The following MRC1 variants were observed in gnomAD, a reference collection of about 807,000 sequenced individuals.
MRC1 encodes mannose receptor C-type 1, also known as macrophage mannose receptor 1.
Under a neutral mutation model 102.9 loss-of-function variants are expected in MRC1, and 62 were observed. The observed-to-expected ratio is 0.60, with a 90% CI of 0.49 to 0.74. MRC1 has a LOEUF of 0.74. Among genes scored for constraint, MRC1 ranks in the 30% least tolerant of loss-of-function variants. The pLI is 0.00. For synonymous variants in MRC1, 457 were observed against 298.4 expected (o/e 1.53, Z -5.48); for missense variants, 1,237 against 862.8 (o/e 1.43, Z -5.43).
At chr10:17,822,692 G>A (rs1020680883) in intron 1 of MRC1, among the ~76,000 whole-genome samples, 9 of 152,246 alleles carry the variant, frequency 5.9e-5, no homozygotes, top group South Asian at 2.1e-4. Flanking sequence ...TATTGTATTC[G>A]TATTACCCAA....
intron 1 of MRC1, among the ~76,000 whole-genome samples, chr10:17,820,626 T>G (rs1301086459): frequency 6.6e-6 from 1 of 152,152 alleles, no homozygotes; most frequent in Non-Finnish European, 1.5e-5. Flanking sequence ...TATTTACTAT[T>G]ATTAACAATG....
At chr10:17,908,851 G>C (rs1272260995) in intron 28 of MRC1, among the ~76,000 whole-genome samples, 2 of 152,210 alleles carry the variant, frequency 1.3e-5, no homozygotes, top group African/African-American at 2.4e-5. Flanking sequence ...TTACAGGCGT[G>C]AGCCACCACT....
chr10:17,811,450 A>G (rs1365641543), intron 1 of MRC1, among the ~76,000 whole-genome samples: 1 of 152,152 alleles, frequency 6.6e-6, no homozygotes, highest in Non-Finnish European at 1.5e-5. Flanking sequence ...AGGCACAAAT[A>G]TTGGGGAGAG....
At chr10:17,851,374 C>T (rs2130644820) in intron 7 of MRC1, among the ~76,000 whole-genome samples, 1 of 151,700 alleles carries the variant, frequency 6.6e-6, no homozygotes, top group South Asian at 2.1e-4. Context: ...AAACAAAAAC[C>T]TAGAAATTTT....
At position 17,845,524 on chromosome 10, in the gene MRC1, G is replaced by T. The variant is rs1005509546; in HGVS notation, c.1063+89G>T. On this transcript the variant is annotated intron_variant, in intron 6 of 29. Coordinates refer to ENST00000569591, the MANE Select transcript of MRC1 (RefSeq NM_002438.4). ...GCTTAGGTGTAACTGTTGGAATGCC[G>T]CCAGAGGTTTTGTGGATAGTTGATG... The T allele has an allele frequency of 1.2e-4, 94 of 763,340 alleles. No individual in the cohort carries two copies. In the African/African-American group the frequency reaches 1.4e-3, roughly 12 times the overall value. The allele number at this position is 763,340 out of a possible 1,614,324, so 47.3% of individuals were successfully genotyped here.
At chr10:17,825,016 A>T (rs975245894) in intron 2 of MRC1, among the ~76,000 whole-genome samples, 1 of 152,050 alleles carries the variant, frequency 6.6e-6, no homozygotes, top group Non-Finnish European at 1.5e-5. Flanking sequence ...CTATTCAATG[A>T]TTTCTATGAA....
Position 17,910,206 on chromosome 10 carries a change from T to A in MRC1, c.4121-9T>A, listed in dbSNP as rs1322788373. 1.4e-5 allele frequency: 11 copies of A among 780,674 alleles called. No individual in the cohort carries two copies. Among genetic ancestry groups the A allele is most frequent in the Non-Finnish European group, 2.6e-5 (11 of 417,966 alleles). 48.4% of individuals were successfully genotyped at this position (780,674 alleles called of 1,614,324 possible). ...CCACGTTTTCCATAATGATTTTATT[T>A]ATTTATAGCTGACACAAGGAAGATG... On this transcript the variant is annotated splice_polypyrimidine_tract_variant and intron_variant, in intron 29 of 29. Coordinates refer to ENST00000569591, the MANE Select transcript of MRC1 (RefSeq NM_002438.4).
chr10:17,878,472 A>G (rs1265663455), intron 18 of MRC1, among the ~76,000 whole-genome samples: 3 of 152,166 alleles, frequency 2.0e-5, no homozygotes, highest in Non-Finnish European at 4.4e-5. Context: ...AGGAGCCAGA[A>G]AAAGCTGTAG....
intron 7 of MRC1, 30 bp from the exon 8 acceptor site, chr10:17,852,935 GTA>G: frequency 1.3e-6 from 1 of 780,764 alleles, no homozygotes; most frequent in Non-Finnish European, 2.4e-6. Context: ...AGCAACCCTT[GTA>G]TATACCACTG....
rs1833219161 is a variant in MRC1 at position 17,863,692 on chromosome 10, G to A, written c.1783+10G>A. On this transcript the variant is annotated intron_variant, in intron 11 of 29. Coordinates refer to ENST00000569591, the MANE Select transcript of MRC1 (RefSeq NM_002438.4). ...AATTCAGATATGCCAGGTACGGGCA[G>A]CGCTTAGGTTGAGGGTTGCTTTCAC... 4 of 780,440 alleles carry A rather than the reference G, an allele frequency of 5.1e-6. No homozygotes were observed. The highest frequency in any genetic ancestry group is 1.7e-5 in the Admixed American group (1 of 58,968). 48.3% of individuals were successfully genotyped at this position (780,440 alleles called of 1,614,324 possible).
In MRC1 at chr10:17,863,544, G is replaced by A; in HGVS notation, c.1645G>A (p.Ala549Thr). ...LTTIEDRYEQ[A>T]FLTSFVGLRP... ...TTCTTCTTTTTAAAGATATGAACAA[G>A]CCTTCCTGACTAGTTTCGTTGGCTT... The change falls in exon 11 of 30, where the codon GCC (alanine) becomes ACC (threonine). Residue 549 changes from alanine (A) to threonine (T), a missense_variant. Physicochemically the swap from Ala to Thr is moderately conservative, Grantham distance 58 (BLOSUM62 0). Transcript: ENST00000569591. The A allele has an allele frequency of 1.3e-6, 1 of 780,824 alleles. No homozygotes were observed. The highest frequency in any genetic ancestry group is 1.7e-5 in the Admixed American group (1 of 59,032). 48.4% of individuals were successfully genotyped at this position (780,824 alleles called of 1,614,324 possible). A position where few individuals can be genotyped will look rare whatever the true frequency, so the allele number is the denominator to read the frequency against.
intron 19 of MRC1, 86 bp downstream of exon 19, chr10:17,879,907 C>A (rs1249212722): frequency 1.3e-5 from 10 of 779,156 alleles, no homozygotes; most frequent in African/African-American, 8.4e-5. Flanking sequence ...AAGTTGTGTG[C>A]TTACATCAGA....
Position 17,866,656 on chromosome 10 carries a change from G to A in MRC1, c.1878G>A (p.Lys626=). 1.3e-6 allele frequency: 1 copy of A among 780,858 alleles called. No individual in the cohort carries two copies. The highest frequency in any genetic ancestry group is 2.4e-6 in the Non-Finnish European group (1 of 417,962). The allele number at this position is 780,858 out of a possible 1,614,324, so 48.4% of individuals were successfully genotyped here. A position where few individuals can be genotyped will look rare whatever the true frequency, so the allele number is the denominator to read the frequency against. The change falls in exon 12 of 30, where the codon AAG becomes AAA. Residue 626 remains lysine (K), a synonymous_variant. Transcript: ENST00000569591. ...KCDEKAKFVC[K]HWAEGVTHPP... ...ATGAAAAGGCAAAATTTGTGTGCAA[G>A]CACTGGGCAGAAGGAGTAACCCACC...
At chr10:17,893,637 G>A in intron 22 of MRC1, among the ~76,000 whole-genome samples, 1 of 152,232 alleles carries the variant, frequency 6.6e-6, no homozygotes, top group Non-Finnish European at 1.5e-5. Flanking sequence ...GTACATAAAG[G>A]AAAGAAGGAT....
chr10:17,901,859 G>A lies in MRC1; in HGVS notation c.3650-114G>A, dbSNP rs1379582717. The stretch of plus-strand genomic sequence containing the variant: ...ATGGTGATCCAAATGATAACCATTG[G>A]AAGATTTTTTAAAATAATGATCAAT... On this transcript the variant is annotated intron_variant, in intron 25 of 29. Transcript: ENST00000569591. 6 of 766,734 alleles carry A rather than the reference G, an allele frequency of 7.8e-6. No individual in the cohort carries two copies. In the Admixed American group the frequency reaches 1.1e-4, roughly 14 times the overall value. The allele number at this position is 766,734 out of a possible 1,614,324, so 47.5% of individuals were successfully genotyped here.
intron 22 of MRC1, 31 bp from the exon 23 acceptor site, chr10:17,894,179 G>T: frequency 1.1e-6 from 1 of 869,572 alleles, no homozygotes; most frequent in Non-Finnish European, 2.0e-6. Context: ...ATTCATGATT[G>T]TTTTCTTTTT....
chr10:17,829,752 T>G (rs930915222), intron 3 of MRC1, among the ~76,000 whole-genome samples: 1 of 151,474 alleles, frequency 6.6e-6, no homozygotes, highest in Non-Finnish European at 1.5e-5. Context: ...TATAGCATCC[T>G]CCACATCCTT....
intron 12 of MRC1, 41 bp from the exon 13 acceptor site, chr10:17,870,205 T>C (rs1480913245): frequency 2.6e-6 from 2 of 764,002 alleles, no homozygotes; most frequent in East Asian, 4.9e-5. Context: ...TTTGATAAAC[T>C]ACAAAGCATA....
chr10:17,813,646 T>C (rs1589161204), intron 1 of MRC1, among the ~76,000 whole-genome samples: 1 of 134,936 alleles, frequency 7.4e-6, no homozygotes, highest in Admixed American at 7.7e-5. Flanking sequence ...TATATAAATA[T>C]ATACATATAT....
Sources: gnomAD v4.1 joint callset for allele counts (sites outside exome capture counted in the v4.1 genomes callset) on GRCh38, gnomAD v4.1.1 for gene constraint, MANE v1.5 for transcripts, NCBI Gene and HGNC (gene_info 2026-07-23, HGNC 2026-07-21) for gene names.